Variants in CLIP3 observed in about 807,000 individuals in gnomAD.
CLIP3 encodes the protein CAP-Gly domain containing linker protein 3, also known as CAP-Gly domain-containing linker protein 3.
Under a neutral mutation model 59.4 loss-of-function variants are expected in CLIP3, and 15 were observed. That is an observed-to-expected ratio of 0.25 (90% CI 0.17 to 0.39). The LOEUF is 0.39. Ranked by LOEUF, CLIP3 falls within the 10% of genes least tolerant of loss-of-function variation. CLIP3 has a pLI of 1.00. For missense variants in CLIP3, 495 were observed against 765.7 expected (o/e 0.65, Z 4.17); for synonymous variants, 300 against 321.6 (o/e 0.93, Z 0.72).
In CLIP3 at chr19:36,016,339, T is replaced by C; in HGVS notation, c.1590-127A>G. On this transcript the variant is annotated intron_variant, in intron 13 of 13. Transcript: ENST00000360535. This position sits in a 1 kb window ranked among gnomAD's most constrained non-coding sequence, Gnocchi z 4.1. ...TGGATTCTGCCTCTACCTCTCTGGCTGTGGTTTGTTTGTTTGTTTGTTTTC... is the reference window on the plus strand; with the variant it reads ...TGGATTCTGCCTCTACCTCTCTGGCCGTGGTTTGTTTGTTTGTTTGTTTTC... 4 of 1,079,730 alleles carry C rather than the reference T, an allele frequency of 3.7e-6. No homozygotes were observed. The highest frequency in any genetic ancestry group is 5.6e-6 in the Non-Finnish European group (4 of 719,674). 66.9% of individuals were successfully genotyped at this position (1,079,730 alleles called of 1,614,324 possible). A position where few individuals can be genotyped will look rare whatever the true frequency, so the allele number is the denominator to read the frequency against.
In CLIP3 at chr19:36,026,611, C is replaced by T. The variant is rs1969118197; in HGVS notation, c.537G>A (p.Val179=). The T allele has an allele frequency of 1.9e-6, 3 of 1,613,678 alleles. No individual in the cohort carries two copies. Among genetic ancestry groups the T allele is most frequent in the Non-Finnish European group, 2.5e-6 (3 of 1,179,954 alleles). Residue 179 remains valine (V), a synonymous_variant, in exon 5 of 14, where the codon GTG becomes GTA. Coordinates refer to ENST00000360535, the MANE Select transcript of CLIP3 (RefSeq NM_015526.3). The surrounding 1 kb of genome is among the most constrained non-coding windows in gnomAD (Gnocchi z 6.3). ...AYFDVPDLVR[V]LLKGARPRVV... Reference sequence around the variant, plus strand: ...CTCGCGGCCTCGCACCCTTCAGCAGCACACGCACGAGGTCGGGCACATCAA... The same window carrying T: ...CTCGCGGCCTCGCACCCTTCAGCAGTACACGCACGAGGTCGGGCACATCAA...
rs1969292083 is a variant in CLIP3 at position 36,032,469 on chromosome 19, C to T, written c.-58-54G>A. 6.4e-6 allele frequency: 3 copies of T among 466,916 alleles called. No individual in the cohort carries two copies. Among genetic ancestry groups the T allele is most frequent in the East Asian group, 3.5e-5 (1 of 28,318 alleles). The allele number at this position is 466,916 out of a possible 1,614,324, so 28.9% of individuals were successfully genotyped here. ...GCCCGGCAGGCTCCAGGGTCCAAGC[C>T]CCTAGGAGCTTCCAGGGCCCCGGGT... On this transcript the variant is annotated intron_variant, in intron 1 of 13. Coordinates refer to ENST00000360535, the MANE Select transcript of CLIP3 (RefSeq NM_015526.3). This position sits in a 1 kb window ranked among gnomAD's most constrained non-coding sequence, Gnocchi z 4.3.
chr19:36,029,080 G>A (rs2145409734), intron 2 of CLIP3, among the ~76,000 whole-genome samples: 1 of 145,878 alleles, frequency 6.9e-6, no homozygotes, highest in Non-Finnish European at 1.5e-5. Context: ...CCAGCACTTT[G>A]GGAGGCCAAG....
Position 36,016,501 on chromosome 19 carries a change from T to C in CLIP3, c.1590-289A>G, listed in dbSNP as rs563353817. On this transcript the variant is annotated intron_variant, in intron 13 of 13. Transcript: ENST00000360535. This position sits in a 1 kb window ranked among gnomAD's most constrained non-coding sequence, Gnocchi z 4.1. The stretch of plus-strand genomic sequence containing the variant: ...TAGCTGGGACTACAGGTGTATGCCA[T>C]TGTGTCCGGCTAACTTTTGTGTTTT... Among the ~76,000 whole-genome samples the C allele has an allele frequency of 1.3e-4, 20 of 152,154 alleles. No homozygotes were observed. The highest frequency in any genetic ancestry group is 3.9e-4 in the Admixed American group (6 of 15,280).
chr19:36,025,721 T>C (rs1454226576), intron 6 of CLIP3, among the ~76,000 whole-genome samples: 2 of 152,074 alleles, frequency 1.3e-5, no homozygotes, highest in African/African-American at 4.8e-5. Context: ...TACCCCAACA[T>C]ACATGTGCCT....
At chr19:36,020,845 C>A (rs1414671756) in intron 7 of CLIP3, among the ~76,000 whole-genome samples, 1 of 151,940 alleles carries the variant, frequency 6.6e-6, no homozygotes, top group Non-Finnish European at 1.5e-5. Context: ...AGCAAGTATT[C>A]GTTATTGAAA....
intron 7 of CLIP3, among the ~76,000 whole-genome samples, chr19:36,023,047 T>C (rs1309546189): frequency 6.6e-6 from 1 of 151,972 alleles, no homozygotes; most frequent in African/African-American, 2.4e-5. Context: ...AGAGCAAGAC[T>C]CCATCTCAAA....
rs1367198136 is a variant in CLIP3 at position 36,018,884 on chromosome 19, A to T, written c.1183+14T>A. 6.2e-6 allele frequency: 10 copies of T among 1,611,558 alleles called. No individual in the cohort carries two copies. In the South Asian group the frequency reaches 9.9e-5, roughly 16 times the overall value. The stretch of plus-strand genomic sequence containing the variant: ...CAAACTGGCTCTTCCCACCACAGGG[A>T]TCCCCTCTCTGACCTTTGTGTTCCC... On this transcript the variant is annotated intron_variant, in intron 9 of 13. Transcript: ENST00000360535.
intron 6 of CLIP3, among the ~76,000 whole-genome samples, chr19:36,025,713 C>A (rs1324991242): frequency 6.6e-6 from 1 of 152,182 alleles, no homozygotes; most frequent in Non-Finnish European, 1.5e-5. Flanking sequence ...GGCCATGTTA[C>A]CCCAACATAC....
At chr19:36,030,372 TAGA>T (rs1969223605) in intron 2 of CLIP3, among the ~76,000 whole-genome samples, 2 of 152,284 alleles carry the variant, frequency 1.3e-5, no homozygotes, top group African/African-American at 4.8e-5. Context: ...ATTTTTCTAT[TAGA>T]CTGAAGTCAA....
intron 7 of CLIP3, among the ~76,000 whole-genome samples, chr19:36,023,162 C>A (rs1231263617): frequency 1.3e-5 from 2 of 152,222 alleles, no homozygotes; most frequent in Non-Finnish European, 2.9e-5. Flanking sequence ...TAGCTTGAAT[C>A]TGGGAGGTGG....
In CLIP3 at chr19:36,016,703, G is replaced by A. The variant is rs1003453655; in HGVS notation, c.1589+204C>T. The A allele has an allele frequency of 2.4e-5, 14 of 594,754 alleles. No homozygotes were observed. The highest frequency in any genetic ancestry group is 3.6e-5 in the Non-Finnish European group (12 of 333,038). The allele number at this position is 594,754 out of a possible 1,614,324, so 36.8% of individuals were successfully genotyped here. ...TGAAGGGTGTTCTGCTTCCTTTACC[G>A]GCCCACCCGAAAGTGGAATTCACTA... is the stretch of plus-strand genomic sequence containing the variant. On this transcript the variant is annotated intron_variant, in intron 13 of 13. Transcript: ENST00000360535. The surrounding 1 kb of genome is among the most constrained non-coding windows in gnomAD (Gnocchi z 4.1).
Position 36,026,698 on chromosome 19 carries a change from G to C in CLIP3, c.450C>G (p.Gly150=), listed in dbSNP as rs1348463808. 1.4e-5 allele frequency: 22 copies of C among 1,606,866 alleles called. No homozygotes were observed. Among genetic ancestry groups the C allele is most frequent in the Non-Finnish European group, 1.6e-5 (19 of 1,178,090 alleles). ...AGCGGCTGCGCAGCGTCACATCTGC[G>C]CCCAGCGCCAGCAGCTGCTGCGAGA... is the stretch of plus-strand genomic sequence containing the variant. ...VRLSQQLLAL[G]ADVTLRSRWT... The change falls in exon 5 of 14, where the codon GGC becomes GGG. Residue 150 remains glycine, a synonymous_variant. Transcript: ENST00000360535. This position sits in a 1 kb window ranked among gnomAD's most constrained non-coding sequence, Gnocchi z 6.3.
At position 36,022,457 on chromosome 19, in the gene CLIP3, C is replaced by T. The variant is rs567500912; in HGVS notation, c.918+1939G>A. ...CAAGTCCCTGAGCCTGAGTTCATGA[C>T]GCTGTGCTATGCTGCTTCTCTAAGG... On this transcript the variant is annotated intron_variant, in intron 7 of 13. Transcript: ENST00000360535. Among the ~76,000 whole-genome samples, 8 of 152,288 alleles carry T rather than the reference C, an allele frequency of 5.3e-5. No individual in the cohort carries two copies. The South Asian group carries it at 6.2e-4, about 12-fold the overall frequency.
At position 36,015,837 on chromosome 19, in the gene CLIP3, G is replaced by A. The variant is rs1177060960; in HGVS notation, c.*321C>T. On this transcript the variant is annotated 3_prime_UTR_variant, in exon 14 of 14. Coordinates refer to ENST00000360535, the MANE Select transcript of CLIP3 (RefSeq NM_015526.3). The stretch of plus-strand genomic sequence containing the variant: ...TGATTCAAGAATGTTCTGTTGTAAT[G>A]CATTATGTGGAGAGGGTCACCATCA... 1 of 424,774 alleles carries A rather than the reference G, an allele frequency of 2.4e-6. No individual in the cohort carries two copies. The highest frequency in any genetic ancestry group is 6.6e-4 in the Middle Eastern group (1 of 1,504). 26.3% of individuals were successfully genotyped at this position (424,774 alleles called of 1,614,324 possible). A position where few individuals can be genotyped will look rare whatever the true frequency, so the allele number is the denominator to read the frequency against.
intron 6 of CLIP3, among the ~76,000 whole-genome samples, chr19:36,025,930 T>G: frequency 6.6e-6 from 1 of 152,226 alleles, no homozygotes; most frequent in South Asian, 2.1e-4. Flanking sequence ...TCCCTTAATC[T>G]CTGCCTCAGT....
In CLIP3 at chr19:36,016,640, G is replaced by A. The variant is rs184507493; in HGVS notation, c.1589+267C>T. Reference sequence around the variant, plus strand: ...TGGGATTAAAGGCATGAGCCACCCCGCCCGGTCTCTAGCTGTTGTTCTGAG... The same window carrying A: ...TGGGATTAAAGGCATGAGCCACCCCACCCGGTCTCTAGCTGTTGTTCTGAG... On this transcript the variant is annotated intron_variant, in intron 13 of 13. Transcript: ENST00000360535. This position sits in a 1 kb window ranked among gnomAD's most constrained non-coding sequence, Gnocchi z 4.1. 9.8e-5 allele frequency among the ~76,000 whole-genome samples: 15 copies of A among 152,292 alleles called. No homozygotes were observed. Among genetic ancestry groups the A allele is most frequent in the South Asian group, 8.3e-4 (4 of 4,830 alleles).
chr19:36,029,863 C>T (rs17639286), intron 2 of CLIP3, among the ~76,000 whole-genome samples: 33,974 of 151,970 alleles, frequency 0.22, 4,929 homozygotes, highest in Non-Finnish European at 0.32. Flanking sequence ...GACCACATTT[C>T]CAGATTTCTT....
At chr19:36,025,267 T>C (rs1969071197) in intron 6 of CLIP3, among the ~76,000 whole-genome samples, 1 of 151,934 alleles carries the variant, frequency 6.6e-6, no homozygotes, top group South Asian at 2.1e-4. Flanking sequence ...AAGCCTGTAA[T>C]GAGGACATGT....
Sources: allele counts gnomAD v4.1 joint callset (sites outside exome capture counted in the v4.1 genomes callset), GRCh38; gene constraint gnomAD v4.1.1; non-coding constraint Gnocchi (gnomAD v3.1); transcripts MANE v1.5; gene names NCBI Gene and HGNC (gene_info 2026-07-23, HGNC 2026-07-21).